The following NXNL1 variants were observed in gnomAD, a reference collection of about 807,000 sequenced individuals.
The protein encoded by NXNL1 is nucleoredoxin-like protein 1.
Under a neutral mutation model 7.2 loss-of-function variants are expected in NXNL1, and 6 were observed. That is an observed-to-expected ratio of 0.83 (90% confidence interval 0.46 to 1.64). The LOEUF (loss-of-function observed/expected upper bound fraction) is 1.64, where lower values mean the gene tolerates loss of function less well. Ranked by LOEUF, NXNL1 falls within the 40% of genes most tolerant of loss-of-function variation. NXNL1 has a pLI of 0.01. For synonymous variants in NXNL1, 133 were observed against 127.2 expected, an observed-to-expected ratio of 1.05 and a Z score of -0.31; for missense variants, 308 against 285.1, an observed-to-expected ratio of 1.08 and a Z score of -0.58.
chr19:17,459,914 C>A (rs2075006411), intron 1 of NXNL1, among the ~76,000 whole-genome samples: 1 of 152,130 alleles, frequency 6.6e-6, no homozygotes, highest in Non-Finnish European at 1.5e-5. Context: ...GGGGAAGCAT[C>A]CTCTGACCCC....
intron 1 of NXNL1, among the ~76,000 whole-genome samples, chr19:17,459,852 A>C (rs1311579278): frequency 6.6e-6 from 1 of 152,076 alleles, no homozygotes; most frequent in Non-Finnish European, 1.5e-5. Flanking sequence ...CTAGGACTAC[A>C]GGCATGAGCC....
intron 1 of NXNL1, among the ~76,000 whole-genome samples, chr19:17,459,576 C>G (rs560466556): frequency 1.3e-5 from 2 of 152,070 alleles, no homozygotes; most frequent in Middle Eastern, 3.4e-3. Context: ...CGCCACCAGG[C>G]CTGGCTAATT....
At chr19:17,456,266 A>G (rs1221875354) in intron 1 of NXNL1, among the ~76,000 whole-genome samples, 1 of 151,498 alleles carries the variant, frequency 6.6e-6, no homozygotes, top group Non-Finnish European at 1.5e-5. Context: ...CGCAAGACAC[A>G]AGGTCTTACT....
chr19:17,458,412 G>C (rs2075000993), intron 1 of NXNL1, among the ~76,000 whole-genome samples: 1 of 150,984 alleles, frequency 6.6e-6, no homozygotes, highest in Non-Finnish European at 1.5e-5. Flanking sequence ...AGTAGAGACG[G>C]GGTTTCACCC....
chr19:17,456,011 C>A, intron 1 of NXNL1, 52 bp from the exon 2 acceptor site: 1 of 1,592,932 alleles, frequency 6.3e-7, no homozygotes, highest in South Asian at 1.1e-5. Flanking sequence ...GATGCTGAAC[C>A]AGAGAGCCCC....
At chr19:17,459,877 G>A (rs971863140) in intron 1 of NXNL1, among the ~76,000 whole-genome samples, 11 of 152,046 alleles carry the variant, frequency 7.2e-5, no homozygotes, top group Non-Finnish European at 1.5e-4. Context: ...TGCCCAGCTA[G>A]GGGTCTCTCT....
In NXNL1 at chr19:17,455,663, G is replaced by GGCCCCC; in HGVS notation, c.622_623insGGGGGC (p.Ala208delinsGlyGlyPro). ...CCTAGCGGGTCAGAACAGCCCCCCG[G>GGCCCCC]CCCCGCCCTCCTCCCCACCCCCTCC... On this transcript the variant is annotated protein_altering_variant, in exon 2 of 2. Coordinates refer to ENST00000301944, the MANE Select transcript of NXNL1 (RefSeq NM_138454.2). 2.6e-6 allele frequency: 2 copies of GGCCCCC among 771,712 alleles called. No individual in the cohort carries two copies. Among genetic ancestry groups the GGCCCCC allele is most frequent in the Middle Eastern group, 3.6e-4 (1 of 2,798 alleles). 47.8% of individuals were successfully genotyped at this position (771,712 alleles called of 1,614,324 possible).
At chr19:17,456,088 G>C (rs1292679312) in intron 1 of NXNL1, 129 bp from the exon 2 acceptor site, 2 of 1,469,090 alleles carry the variant, frequency 1.4e-6, no homozygotes, top group African/African-American at 2.8e-5. Flanking sequence ...GCACTGGGTA[G>C]GTGCACACGA....
Position 17,455,806 on chromosome 19 carries a change from G to A in NXNL1, c.480C>T (p.Asp160=), listed in dbSNP as rs1442078321. 3 of 1,569,848 alleles carry A rather than the reference G, an allele frequency of 1.9e-6. No homozygotes were observed. In the African/African-American group the frequency reaches 4.1e-5, roughly 21 times the overall value. The change falls in exon 2 of 2, where the codon GAC becomes GAT. Residue 160 remains aspartate (D), a synonymous_variant. Coordinates refer to ENST00000301944, the MANE Select transcript of NXNL1 (RefSeq NM_138454.2). ...GGTCCTCTGGCAGCTGGAAGTTGCG[G>A]TCCAGCACCTCGGCCGCCTCCTGCC... ...ANWQEAAEVL[D]RNFQLPEDLE...
At chr19:17,458,629 T>A (rs1339932464) in intron 1 of NXNL1, among the ~76,000 whole-genome samples, 1 of 124,592 alleles carries the variant, frequency 8.0e-6, no homozygotes, top group African/African-American at 3.1e-5. Context: ...TGAGACAGAG[T>A]CTTGCTCTGT....
chr19:17,456,974 C>T (rs970182862), intron 1 of NXNL1, among the ~76,000 whole-genome samples: 3 of 151,836 alleles, frequency 2.0e-5, no homozygotes, highest in Non-Finnish European at 4.4e-5. Flanking sequence ...GGCGTGAACC[C>T]GGAAGGCAGA....
Position 17,455,668 on chromosome 19 carries a change from G to GGGGGGCC in NXNL1, c.617_618insGGCCCCC (p.Gly207AlafsTer12). ...CGGGTCAGAACAGCCCCCCGGCCCC[G>GGGGGGCC]CCCTCCTCCCCACCCCCTCCCCCGG... On this transcript the variant is annotated frameshift_variant, in exon 2 of 2. Transcript: ENST00000301944. LOFTEE classifies it high-confidence loss of function. 1.8e-5 allele frequency: 6 copies of GGGGGGCC among 330,244 alleles called. No individual in the cohort carries two copies. The highest frequency in any genetic ancestry group is 4.9e-5 in the African/African-American group (1 of 20,494). The allele number at this position is 330,244 out of a possible 1,614,324, so 20.5% of individuals were successfully genotyped here. A position where few individuals can be genotyped will look rare whatever the true frequency, so the allele number is the denominator to read the frequency against.
At chr19:17,460,114 G>A (rs1227435332) in intron 1 of NXNL1, among the ~76,000 whole-genome samples, 11 of 151,918 alleles carry the variant, frequency 7.2e-5, no homozygotes, top group Non-Finnish European at 1.3e-4. Flanking sequence ...AGTTTCAAAC[G>A]ATTCTCCTGC....
Position 17,455,685 on chromosome 19 carries a change from C to CCCA in NXNL1, c.600_601insTGG (p.Gly200_Gly201insTrp). ...CCGGCCCCGCCCTCCTCCCCACCCC[C>CCCA]TCCCCCGGGGTCGCGCCCGCCTCGC... On this transcript the variant is annotated inframe_insertion, in exon 2 of 2. Coordinates refer to ENST00000301944, the MANE Select transcript of NXNL1 (RefSeq NM_138454.2). 1 of 1,511,434 alleles carries CCCA rather than the reference C, an allele frequency of 6.6e-7. No homozygotes were observed. Among genetic ancestry groups the CCCA allele is most frequent in the Non-Finnish European group, 8.9e-7 (1 of 1,127,542 alleles). 93.6% of individuals were successfully genotyped at this position (1,511,434 alleles called of 1,614,324 possible). A position where few individuals can be genotyped will look rare whatever the true frequency, so the allele number is the denominator to read the frequency against.
chr19:17,458,147 G>C (rs889041544), intron 1 of NXNL1, among the ~76,000 whole-genome samples: 5 of 151,278 alleles, frequency 3.3e-5, no homozygotes, highest in African/African-American at 1.2e-4. Context: ...ATTGCGATGG[G>C]TTTCATTGTA....
intron 1 of NXNL1, among the ~76,000 whole-genome samples, chr19:17,459,704 C>T (rs1482428407): frequency 1.3e-5 from 2 of 151,882 alleles, no homozygotes; most frequent in East Asian, 3.9e-4. Flanking sequence ...AGGTGTGAGC[C>T]ACCGTACCTG....
chr19:17,455,622 C>T lies in NXNL1; in HGVS notation c.*25G>A, dbSNP rs1206223815. 1.5e-6 allele frequency: 2 copies of T among 1,328,252 alleles called. No individual in the cohort carries two copies. Among genetic ancestry groups the T allele is most frequent in the Non-Finnish European group, 2.1e-6 (2 of 965,482 alleles). 82.3% of individuals were successfully genotyped at this position (1,328,252 alleles called of 1,614,324 possible). On this transcript the variant is annotated 3_prime_UTR_variant, in exon 2 of 2. Coordinates refer to ENST00000301944, the MANE Select transcript of NXNL1 (RefSeq NM_138454.2). The stretch of plus-strand genomic sequence containing the variant: ...GGGGTGGAGGTTCATCAACAAACCC[C>T]ACTCCTCTCCTCCACCCTAGCGGGT...
chr19:17,460,682 T>C lies in NXNL1; in HGVS notation c.188A>G (p.Asp63Gly). The change falls in exon 1 of 2, where the codon GAT becomes GGT. Residue 63 changes from aspartate (D) to glycine (G), a missense_variant. Transcript: ENST00000301944. Reference protein sequence around the residue: ...ILKDFFVRLTDEFYVLRAAQL... With the variant: ...ILKDFFVRLTGEFYVLRAAQL... ...AGCCGCCCGCAGTACATAGAACTCA[T>C]CTGTGAGCCGCACGAAGAAGTCCTT... The C allele has an allele frequency of 3.1e-6, 5 of 1,613,748 alleles. No individual in the cohort carries two copies. The highest frequency in any genetic ancestry group is 4.2e-6 in the Non-Finnish European group (5 of 1,180,010).
intron 1 of NXNL1, 42 bp from the exon 2 acceptor site, chr19:17,456,001 G>A (rs758295314): frequency 2.5e-6 from 4 of 1,595,884 alleles, no homozygotes; most frequent in Non-Finnish European, 3.4e-6. Flanking sequence ...CCACATCCCT[G>A]ATGCTGAACC....
Sources: gnomAD v4.1 joint callset for allele counts (sites outside exome capture counted in the v4.1 genomes callset) on GRCh38, gnomAD v4.1.1 for gene constraint, MANE v1.5 for transcripts, NCBI Gene and HGNC (gene_info 2026-07-23, HGNC 2026-07-21) for gene names.